Variants in DAPK2 observed in about 807,000 individuals in gnomAD.
DAPK2 encodes death associated protein kinase 2, also known as death-associated protein kinase 2.
In DAPK2, 35 loss-of-function variants were observed where a neutral mutation model predicts 44.1. That is an observed-to-expected ratio of 0.79 (90% CI 0.61 to 1.05). The LOEUF (loss-of-function observed/expected upper bound fraction) is 1.05, where lower values mean the gene tolerates loss of function less well. Ranked by LOEUF, DAPK2 falls within the 50% of genes least tolerant of loss-of-function variation. The pLI is 0.00. For missense variants in DAPK2, 453 were observed against 483.2 expected (o/e 0.94, Z 0.59); for synonymous variants, 174 against 182.6 (o/e 0.95, Z 0.38).
chr15:63,973,262 G>A (rs1245067652), intron 2 of DAPK2, among the ~76,000 whole-genome samples: 1 of 152,232 alleles, frequency 6.6e-6, no homozygotes, highest in Non-Finnish European at 1.5e-5. Flanking sequence ...TTCACAAGAT[G>A]CCTTAGAGAG....
rs1440948970 is a variant in DAPK2 at position 63,912,023 on chromosome 15, T to A, written c.949-32A>T. 1.4e-5 allele frequency: 23 copies of A among 1,609,096 alleles called. No homozygotes were observed. The highest frequency in any genetic ancestry group is 1.8e-5 in the Non-Finnish European group (21 of 1,177,768). ...GAGGCAGAGGAAAGGAATCCCCAGGTGAGAATGTGCATGGAGACCCTGGAG... is the reference window on the plus strand; with the variant it reads ...GAGGCAGAGGAAAGGAATCCCCAGGAGAGAATGTGCATGGAGACCCTGGAG... On this transcript the variant is annotated intron_variant, in intron 9 of 10. Transcript: ENST00000261891. The surrounding 1 kb of genome is among the most constrained non-coding windows in gnomAD (Gnocchi z 4.4).
At chr15:64,032,101 G>T (rs1688882308) in intron 1 of DAPK2, among the ~76,000 whole-genome samples, 1 of 152,170 alleles carries the variant, frequency 6.6e-6, no homozygotes, top group African/African-American at 2.4e-5. Flanking sequence ...CACCACAGTA[G>T]AGGAGACGGA....
At chr15:64,017,803 T>C (rs1004899768) in intron 1 of DAPK2, among the ~76,000 whole-genome samples, 2 of 152,184 alleles carry the variant, frequency 1.3e-5, no homozygotes, top group Non-Finnish European at 2.9e-5. Flanking sequence ...TGATTCCCAT[T>C]GTGTTGAAAA....
intron 1 of DAPK2, among the ~76,000 whole-genome samples, chr15:63,995,085 C>T (rs2078917382): frequency 6.6e-6 from 1 of 152,068 alleles, no homozygotes; most frequent in African/African-American, 2.4e-5. Flanking sequence ...AGCAAATTCT[C>T]AATTTTGGAC....
rs2078792146 is a variant in DAPK2 at position 63,990,602 on chromosome 15, CA to C, written c.93-6849del. 6.6e-6 allele frequency among the ~76,000 whole-genome samples: 1 copy of C among 152,086 alleles called. No individual in the cohort carries two copies. The highest frequency in any genetic ancestry group is 1.5e-5 in the Non-Finnish European group (1 of 67,996). On this transcript the variant is annotated intron_variant, in intron 1 of 10. Coordinates refer to ENST00000261891, the Ensembl canonical transcript of DAPK2. This position sits in a 1 kb window ranked among gnomAD's most constrained non-coding sequence, Gnocchi z 4.3. ...CCCCAGCCAAGGGACAAGATGCCAC[CA>C]GAGGTGAGAGGTACCAAATGGGAAG...
At chr15:64,031,878 G>C (rs2080026710) in intron 1 of DAPK2, among the ~76,000 whole-genome samples, 1 of 152,318 alleles carries the variant, frequency 6.6e-6, no homozygotes, top group South Asian at 2.1e-4. Flanking sequence ...CCGGTAAATG[G>C]AAGTAATTTT....
chr15:63,937,778 T>C (rs2077203733), intron 4 of DAPK2, among the ~76,000 whole-genome samples: 1 of 152,270 alleles, frequency 6.6e-6, no homozygotes. Context: ...CAGTTTCTAG[T>C]TGTTTATTGT....
chr15:63,972,600 G>C (rs1241959635), intron 2 of DAPK2, among the ~76,000 whole-genome samples: 1 of 152,222 alleles, frequency 6.6e-6, no homozygotes, highest in Non-Finnish European at 1.5e-5. Flanking sequence ...GCTGAATTGT[G>C]TGTGTGCCCT....
intron 1 of DAPK2, among the ~76,000 whole-genome samples, chr15:64,004,491 C>G (rs1371849633): frequency 6.6e-6 from 1 of 152,210 alleles, no homozygotes; most frequent in African/African-American, 2.4e-5. Context: ...TTGCCTCATG[C>G]TGATACCTTT....
chr15:63,962,080 A>G (rs1446074094), intron 3 of DAPK2, among the ~76,000 whole-genome samples: 1 of 151,726 alleles, frequency 6.6e-6, no homozygotes. Flanking sequence ...TTCTCACTTC[A>G]TTTCATTCAT....
chr15:63,947,099 C>T (rs775746762), intron 3 of DAPK2, among the ~76,000 whole-genome samples: 1 of 152,064 alleles, frequency 6.6e-6, no homozygotes, highest in Non-Finnish European at 1.5e-5. Flanking sequence ...CCTCTGCTAC[C>T]TCTCTGCTAC....
chr15:63,934,495 G>A (rs928126782), intron 4 of DAPK2, among the ~76,000 whole-genome samples: 13 of 151,986 alleles, frequency 8.6e-5, no homozygotes, highest in African/African-American at 3.1e-4. Context: ...GACCTCAGGT[G>A]ATCCGCCCAC....
chr15:63,945,916 C>T (rs74021207), intron 3 of DAPK2, among the ~76,000 whole-genome samples: 4,059 of 152,354 alleles, frequency 0.027, 189 homozygotes, highest in African/African-American at 0.094. Flanking sequence ...CAACCACACA[C>T]TGCTGGGTCC....
rs1313288504 is a variant in DAPK2 at position 63,923,124 on chromosome 15, C to T, written c.858+1692G>A. The T allele has an allele frequency of 6.5e-7, 1 of 1,535,940 alleles. No homozygotes were observed. Among genetic ancestry groups the T allele is most frequent in the East Asian group, 2.4e-5 (1 of 40,910 alleles). Reference sequence around the variant, plus strand: ...TTGAAGATGGAGACCAGGGCCTCCACATCGTCCTGGATGGTATCGTGGGCC... The same window carrying T: ...TTGAAGATGGAGACCAGGGCCTCCATATCGTCCTGGATGGTATCGTGGGCC... On this transcript the variant is annotated intron_variant, in intron 8 of 10. Transcript: ENST00000261891. This position sits in a 1 kb window ranked among gnomAD's most constrained non-coding sequence, Gnocchi z 4.2.
chr15:63,943,784 G>A (rs1203960285), intron 3 of DAPK2, among the ~76,000 whole-genome samples: 1 of 152,208 alleles, frequency 6.6e-6, no homozygotes, highest in Non-Finnish European at 1.5e-5. Flanking sequence ...GCTGAGGCAG[G>A]AGAATTGCTT....
rs146299714 is a variant in DAPK2 at position 63,989,398 on chromosome 15, G to A, written c.93-5644C>T. Among the ~76,000 whole-genome samples, 1,264 of 152,180 alleles carry A rather than the reference G, an allele frequency of 8.3e-3. 12 individuals carry two copies. Among genetic ancestry groups the A allele is most frequent in the Middle Eastern group, 0.024 (7 of 294 alleles). On this transcript the variant is annotated intron_variant, in intron 1 of 10. Coordinates refer to ENST00000261891, the Ensembl canonical transcript of DAPK2. ...AAAAAAAGCCAATAAAAAAGAGAGAGAGAAAACTGGGCTTAGAGAAGTAAA... is the reference window on the plus strand; with the variant it reads ...AAAAAAAGCCAATAAAAAAGAGAGAAAGAAAACTGGGCTTAGAGAAGTAAA...
At chr15:63,995,099 T>G (rs1457946562) in intron 1 of DAPK2, among the ~76,000 whole-genome samples, 3 of 152,288 alleles carry the variant, frequency 2.0e-5, no homozygotes, top group African/African-American at 7.2e-5. Flanking sequence ...TTTGGACATT[T>G]ATATCATTTT....
chr15:64,015,665 A>C (rs2079506352), intron 1 of DAPK2, among the ~76,000 whole-genome samples: 1 of 152,242 alleles, frequency 6.6e-6, no homozygotes, highest in Admixed American at 6.5e-5. Flanking sequence ...TGGGCCCCAA[A>C]TCCAATGACA....
At chr15:64,037,933 G>A (rs577809756) in intron 1 of DAPK2, among the ~76,000 whole-genome samples, 2 of 152,212 alleles carry the variant, frequency 1.3e-5, no homozygotes, top group South Asian at 2.1e-4. Flanking sequence ...GAAGAGTAGG[G>A]GAGGTGAGAA....
Sources: gnomAD v4.1 joint callset for allele counts (sites outside exome capture counted in the v4.1 genomes callset) on GRCh38, gnomAD v4.1.1 for gene constraint, Gnocchi (gnomAD v3.1) non-coding constraint, MANE v1.5 for transcripts, NCBI Gene and HGNC (gene_info 2026-07-23, HGNC 2026-07-21) for gene names.